Variants in VPS13B observed in about 807,000 individuals in gnomAD.
VPS13B encodes the protein intermembrane lipid transfer protein VPS13B.
Under a neutral mutation model 426.4 loss-of-function variants are expected in VPS13B, and 285 were observed. That is an observed-to-expected ratio of 0.67 (90% CI 0.61 to 0.74). VPS13B has a LOEUF of 0.74. VPS13B is among the 30% of genes least tolerant of loss of function. VPS13B has a pLI of 0.00. For synonymous variants in VPS13B, 1,676 were observed against 1,676.4 expected, an observed-to-expected ratio of 1.00 and a Z score of 0.01; for missense variants, 4,537 against 4,782.6, an observed-to-expected ratio of 0.95 and a Z score of 1.51.
intron 33 of VPS13B, among the ~76,000 whole-genome samples, chr8:99,615,074 G>A (rs192284227): frequency 5.1e-5 from 7 of 136,890 alleles, no homozygotes; most frequent in South Asian, 2.3e-4. Flanking sequence ...CCGAGATTGC[G>A]CCATTGCACT....
intron 19 of VPS13B, among the ~76,000 whole-genome samples, chr8:99,337,459 C>T (rs371663351): frequency 2.5e-4 from 37 of 150,988 alleles, no homozygotes; most frequent in Non-Finnish European, 4.3e-4. Flanking sequence ...CACATGTATA[C>T]GTATGTAACT....
In VPS13B at chr8:99,564,746, C is replaced by A. The variant is rs557293205; in HGVS notation, c.4949+8093C>A. On this transcript the variant is annotated intron_variant, in intron 31 of 61. Transcript: ENST00000357162. ...TTATTCTTAGGAAGTTGTTATAAAA[C>A]AAAAACTACAGTAAACTAAATTTGA... Among the ~76,000 whole-genome samples, 7 of 152,278 alleles carry A rather than the reference C, an allele frequency of 4.6e-5. No individual in the cohort carries two copies. The East Asian group carries it at 1.3e-3, about 29-fold the overall frequency.
At chr8:99,450,717 GA>G (rs869190466) in intron 23 of VPS13B, among the ~76,000 whole-genome samples, 2 of 151,460 alleles carry the variant, frequency 1.3e-5, no homozygotes, top group Admixed American at 6.6e-5. Context: ...GTCTTAAAAA[GA>G]AAAAAAAATT....
chr8:99,409,828 A>G (rs1380320451), intron 21 of VPS13B, among the ~76,000 whole-genome samples: 2 of 152,218 alleles, frequency 1.3e-5, no homozygotes, highest in Non-Finnish European at 2.9e-5. Flanking sequence ...GAGTATTAGC[A>G]AAACAACTCC....
At chr8:99,322,853 G>A (rs766939840) in intron 19 of VPS13B, among the ~76,000 whole-genome samples, 6 of 152,218 alleles carry the variant, frequency 3.9e-5, no homozygotes, top group African/African-American at 1.4e-4. Context: ...TCTTAAACAC[G>A]ATTGTCTTAC....
intron 17 of VPS13B, among the ~76,000 whole-genome samples, chr8:99,235,753 A>G (rs928264392): frequency 6.6e-6 from 1 of 152,220 alleles, no homozygotes; most frequent in Non-Finnish European, 1.5e-5. Flanking sequence ...AAGTACTACC[A>G]TGTAACACAT....
At chr8:99,259,383 G>A (rs572389180) in intron 17 of VPS13B, among the ~76,000 whole-genome samples, 2 of 152,142 alleles carry the variant, frequency 1.3e-5, no homozygotes, top group South Asian at 4.1e-4. Flanking sequence ...TTGGAAGTAG[G>A]CACTGATGCT....
intron 33 of VPS13B, among the ~76,000 whole-genome samples, chr8:99,579,976 G>C (rs939892477): frequency 6.6e-6 from 1 of 152,122 alleles, no homozygotes; most frequent in Admixed American, 6.5e-5. Context: ...GAGATTACAG[G>C]CGTGAGCTAC....
chr8:99,578,492 T>C (rs955646405), intron 33 of VPS13B, among the ~76,000 whole-genome samples: 13 of 152,106 alleles, frequency 8.5e-5, no homozygotes, highest in African/African-American at 3.1e-4. Context: ...TATTTTAAAA[T>C]GATAAATCTT....
chr8:99,187,726 T>A (rs1039826788), intron 16 of VPS13B, among the ~76,000 whole-genome samples: 1 of 152,110 alleles, frequency 6.6e-6, no homozygotes, highest in African/African-American at 2.4e-5. Flanking sequence ...CCCAACACTT[T>A]GGGAGGGTGA....
chr8:99,114,628 T>C (rs1847558007), intron 6 of VPS13B, among the ~76,000 whole-genome samples: 1 of 152,228 alleles, frequency 6.6e-6, no homozygotes, highest in African/African-American at 2.4e-5. Context: ...CCCCGCTTTC[T>C]TACCTCTTCA....
intron 51 of VPS13B, among the ~76,000 whole-genome samples, chr8:99,824,594 CTT>C (rs1258976722): frequency 2.1e-5 from 3 of 139,992 alleles, no homozygotes; most frequent in Non-Finnish European, 4.7e-5. Flanking sequence ...GATGTTTTCC[CTT>C]TTTTTTTTTT....
intron 21 of VPS13B, among the ~76,000 whole-genome samples, chr8:99,406,255 A>T (rs1815325741): frequency 1.3e-5 from 2 of 151,792 alleles, no homozygotes; most frequent in African/African-American, 4.8e-5. Flanking sequence ...CCTTCTCTAG[A>T]ATATATCTCA....
intron 28 of VPS13B, chr8:99,507,815 C>T (rs1563767159): frequency 1.2e-6 from 2 of 1,614,008 alleles, no homozygotes; most frequent in Non-Finnish European, 1.7e-6. Flanking sequence ...GAGGTGTCTT[C>T]CTTTCCTGTA....
intron 61 of VPS13B, among the ~76,000 whole-genome samples, chr8:99,872,829 G>A (rs1047265452): frequency 7.9e-5 from 12 of 151,992 alleles, no homozygotes; most frequent in Admixed American, 2.6e-4. Context: ...TCTCCTTCAC[G>A]CCACTGTTTG....
At chr8:99,167,773 T>C (rs1401155474) in intron 15 of VPS13B, among the ~76,000 whole-genome samples, 2 of 152,156 alleles carry the variant, frequency 1.3e-5, no homozygotes, top group Non-Finnish European at 2.9e-5. Flanking sequence ...TAATGAGATG[T>C]GTAAGTTCTC....
At chr8:99,739,877 C>A (rs1284682262) in intron 39 of VPS13B, among the ~76,000 whole-genome samples, 1 of 152,182 alleles carries the variant, frequency 6.6e-6, no homozygotes, top group Admixed American at 6.5e-5. Flanking sequence ...GTGGAAAAAA[C>A]AGAGCAGAAA....
intron 39 of VPS13B, among the ~76,000 whole-genome samples, chr8:99,740,367 G>A (rs550330979): frequency 9.9e-5 from 15 of 152,270 alleles, no homozygotes; most frequent in East Asian, 3.9e-4. Flanking sequence ...TAAAAGTGAC[G>A]GGGAGAATGG....
chr8:99,198,321 GT>G (rs1402806395), intron 17 of VPS13B, among the ~76,000 whole-genome samples: 5 of 151,366 alleles, frequency 3.3e-5, no homozygotes, highest in African/African-American at 1.2e-4. Context: ...GTATTTTTTG[GT>G]TTATTGTCTC....
Sources: gnomAD v4.1 joint callset for allele counts (sites outside exome capture counted in the v4.1 genomes callset) on GRCh38, gnomAD v4.1.1 for gene constraint, MANE v1.5 for transcripts, NCBI Gene and HGNC (gene_info 2026-07-23, HGNC 2026-07-21) for gene names.